Variants in SRRM3 observed in about 807,000 individuals in gnomAD.
The protein encoded by SRRM3 is serine/arginine repetitive matrix protein 3.
SRRM3 carries 27 observed loss-of-function variants against 66.2 expected under a neutral mutation model. The ratio of observed to expected loss-of-function variants is 0.41; its 90% CI spans 0.30 to 0.56. The LOEUF is 0.56. Among genes scored for constraint, SRRM3 ranks in the 20% least tolerant of loss-of-function variants. The pLI, the probability that SRRM3 is intolerant of heterozygous loss-of-function variation, is 0.32. For missense variants in SRRM3, 918 were observed against 991.9 expected (o/e 0.93, Z 1.00); for synonymous variants, 391 against 414.9 (o/e 0.94, Z 0.70).
At position 76,285,868 on chromosome 7, in the gene SRRM3, C is replaced by T. The variant is rs1554612767; in HGVS notation, c.*25C>T. ...AGCCCAGACAGACTCAGCTTGGTGC[C>T]CCCCTGGCACTGGGAGAGGCGAGGG... On this transcript the variant is annotated 3_prime_UTR_variant, in exon 15 of 15. Coordinates refer to ENST00000611745, the MANE Select transcript of SRRM3 (RefSeq NM_001110199.3). This position sits in a 1 kb window ranked among gnomAD's most constrained non-coding sequence, Gnocchi z 4.1. The T allele has an allele frequency of 1.3e-6, 2 of 1,534,068 alleles. No individual in the cohort carries two copies. The highest frequency in any genetic ancestry group is 4.0e-5 in the Admixed American group (2 of 49,958).
chr7:76,265,408 G>A lies in SRRM3; in HGVS notation c.770G>A (p.Ser257Asn). The change falls in exon 10 of 15, where the codon AGT (serine) becomes AAT (asparagine). Residue 257 changes from serine to asparagine, a missense_variant. By Grantham distance (46) the Ser-to-Asn change is conservative. Transcript: ENST00000611745. The stretch of plus-strand genomic sequence containing the variant: ...GGCCGGAGGTCTCATCGCCATAGCA[G>A]TGGCAGCTCCCACAGCCCCTCCCTC... Reference protein sequence around the residue: ...SPGRRSHRHSSGSSHSPSLSS... With the variant: ...SPGRRSHRHSNGSSHSPSLSS... 1.9e-6 allele frequency: 3 copies of A among 1,606,166 alleles called. No homozygotes were observed. The highest frequency in any genetic ancestry group is 1.3e-5 in the African/African-American group (1 of 74,518).
At chr7:76,225,430 G>A (rs1430111368) in intron 1 of SRRM3, among the ~76,000 whole-genome samples, 1 of 130,854 alleles carries the variant, frequency 7.6e-6, no homozygotes, top group African/African-American at 2.5e-5. Flanking sequence ...GGCAAGGCCA[G>A]GAAAAAAAAG....
chr7:76,244,261 A>C (rs1469064451), intron 2 of SRRM3, among the ~76,000 whole-genome samples: 2 of 152,176 alleles, frequency 1.3e-5, no homozygotes, highest in Non-Finnish European at 2.9e-5. Flanking sequence ...ACAGTGGAAC[A>C]TGCCTGTAAT....
chr7:76,202,455 A>G (rs1800174315), intron 1 of SRRM3, among the ~76,000 whole-genome samples: 1 of 152,042 alleles, frequency 6.6e-6, no homozygotes, highest in Non-Finnish European at 1.5e-5. Flanking sequence ...TGGTGAAGGG[A>G]GCAGGCCCCC....
chr7:76,254,112 C>T (rs185480094), intron 3 of SRRM3, among the ~76,000 whole-genome samples: 2 of 152,042 alleles, frequency 1.3e-5, no homozygotes, highest in African/African-American at 4.8e-5. Context: ...AACTCCTGGG[C>T]TCAAGTAGTC....
At position 76,229,118 on chromosome 7, in the gene SRRM3, T is replaced by C. The variant is rs1800952489; in HGVS notation, c.-39-5910T>C. On this transcript the variant is annotated intron_variant, in intron 1 of 14. Transcript: ENST00000611745. ...TTTCACCATGTTAGCCAGGATGGTC[T>C]CGATCTCCTGACCTCGTGATCCACC... Among the ~76,000 whole-genome samples the C allele has an allele frequency of 2.0e-5, 3 of 152,090 alleles. No individual in the cohort carries two copies. In the East Asian group the frequency reaches 5.8e-4, roughly 29 times the overall value.
intron 8 of SRRM3, among the ~76,000 whole-genome samples, chr7:76,262,820 AAAAGAAAG>A (rs144957959): frequency 2.0e-4 from 30 of 150,234 alleles, no homozygotes; most frequent in Non-Finnish European, 3.5e-4. Context: ...CATCTCAAAA[AAAAGAAAG>A]AAAGAAAGAA....
chr7:76,261,409 A>G lies in SRRM3; in HGVS notation c.633A>G (p.Arg211=). The change falls in exon 7 of 15, where the codon CGA becomes CGG. Residue 211 remains arginine, a synonymous_variant. Coordinates refer to ENST00000611745, the MANE Select transcript of SRRM3 (RefSeq NM_001110199.3). ...AGAAGAGTGTGAAGAAGCATCGCCGAGACAGGTACCCTTGCTGCCCCCACC... is the reference window on the plus strand; with the variant it reads ...AGAAGAGTGTGAAGAAGCATCGCCGGGACAGGTACCCTTGCTGCCCCCACC... ...KKKKSVKKHR[R]DRSDSGSRRK... is the part of the protein sequence containing the mutation. The G allele has an allele frequency of 6.2e-7, 1 of 1,602,156 alleles. No homozygotes were observed. Among genetic ancestry groups the G allele is most frequent in the Admixed American group, 1.7e-5 (1 of 58,630 alleles).
intron 2 of SRRM3, among the ~76,000 whole-genome samples, chr7:76,243,564 C>T (rs367700480): frequency 8.5e-5 from 13 of 152,254 alleles, no homozygotes; most frequent in South Asian, 8.3e-4. Flanking sequence ...GCATATATGC[C>T]GCTGCAGGTC....
chr7:76,281,169 C>A lies in SRRM3; in HGVS notation c.1009-272C>A, dbSNP rs570598620. ...CTCCCTCTCTCCCTCTTTCTTTCTT[C>A]TCTCTGTCTTTCCTCTCTCCCTCTC... On this transcript the variant is annotated intron_variant, in intron 11 of 14. Transcript: ENST00000611745. 4.4e-4 allele frequency among the ~76,000 whole-genome samples: 67 copies of A among 150,668 alleles called. 1 individual carries two copies. The South Asian group carries it at 0.013, about 30-fold the overall frequency.
intron 11 of SRRM3, chr7:76,273,512 T>C (rs1315991242): frequency 6.6e-6 from 1 of 152,220 alleles, no homozygotes; most frequent in Non-Finnish European, 1.5e-5. Context: ...TTAGGGTCAC[T>C]GTCTTTCCCC....
intron 3 of SRRM3, among the ~76,000 whole-genome samples, chr7:76,252,962 A>G (rs73138089): frequency 0.33 from 49,565 of 148,696 alleles, 9,270 homozygotes; most frequent in East Asian, 0.6. Context: ...TCAGGAGTTC[A>G]AGACCAGCCT....
At chr7:76,254,479 T>C (rs1376612087) in intron 3 of SRRM3, among the ~76,000 whole-genome samples, 1 of 152,106 alleles carries the variant, frequency 6.6e-6, no homozygotes, top group Non-Finnish European at 1.5e-5. Flanking sequence ...CTACCATACC[T>C]GGCTAATTTT....
At chr7:76,282,558 C>T (rs549739968) in intron 12 of SRRM3, 90 bp from the exon 13 acceptor site, 2 of 596,088 alleles carry the variant, frequency 3.4e-6, no homozygotes, top group African/African-American at 2.0e-5. Flanking sequence ...CCCGCCCCTC[C>T]GCCCTAAGCC....
In SRRM3 at chr7:76,253,589, C is replaced by T. The variant is rs934540924; in HGVS notation, c.335+5300C>T. On this transcript the variant is annotated intron_variant, in intron 3 of 14. Coordinates refer to ENST00000611745, the MANE Select transcript of SRRM3 (RefSeq NM_001110199.3). ...TGAACCGAGATCGTGCCACTGCACT[C>T]CAGCCTGGGTGACAGAGCGACACTC... 2.0e-5 allele frequency among the ~76,000 whole-genome samples: 3 copies of T among 151,494 alleles called. No homozygotes were observed. The East Asian group carries it at 5.8e-4, about 29-fold the overall frequency.
At position 76,267,571 on chromosome 7, in the gene SRRM3, C is replaced by T. The variant is rs559611275; in HGVS notation, c.1008+136C>T. 806 of 720,650 alleles carry T rather than the reference C, an allele frequency of 1.1e-3. 8 individuals carry two copies. The African/African-American group carries it at 0.014, about 12-fold the overall frequency. The allele number at this position is 720,650 out of a possible 1,614,324, so 44.6% of individuals were successfully genotyped here. On this transcript the variant is annotated intron_variant, in intron 11 of 14. Coordinates refer to ENST00000611745, the MANE Select transcript of SRRM3 (RefSeq NM_001110199.3). ...CGGGGGCGGCCGCTTCCTCCCTCCT[C>T]GGCTCCCCGCTGGGCGTCCTGGCTC... is the stretch of plus-strand genomic sequence containing the variant.
chr7:76,221,425 T>C (rs1800717754), intron 1 of SRRM3, among the ~76,000 whole-genome samples: 1 of 142,366 alleles, frequency 7.0e-6, no homozygotes, highest in Non-Finnish European at 1.5e-5. Flanking sequence ...TGCAGTGGCA[T>C]GATCTCAGCT....
At chr7:76,236,005 C>CAAAAAAAAAAAAAAAAAAAAAA (rs1161706465) in intron 2 of SRRM3, among the ~76,000 whole-genome samples, 2 of 20,274 alleles carry the variant, frequency 9.9e-5, no homozygotes, top group African/African-American at 3.2e-4. Context: ...GATTCTGTCT[C>CAAAAAAAAAAAAAAAAAAAAAA]AAAAAAAAAA....
At chr7:76,264,913 G>C in intron 9 of SRRM3, 98 bp downstream of exon 9, 1 of 1,320,424 alleles carries the variant, frequency 7.6e-7, no homozygotes, top group Non-Finnish European at 1.1e-6. Context: ...ATTAAAGGTA[G>C]CTCATTTTGC....
Sources: allele counts gnomAD v4.1 joint callset (sites outside exome capture counted in the v4.1 genomes callset), GRCh38; gene constraint gnomAD v4.1.1; non-coding constraint Gnocchi (gnomAD v3.1); transcripts MANE v1.5; gene names NCBI Gene and HGNC (gene_info 2026-07-23, HGNC 2026-07-21).